Variants in OTUD7A observed in about 807,000 individuals in gnomAD.
OTUD7A encodes OTU deubiquitinase 7A.
OTUD7A carries 12 observed loss-of-function variants against 65.7 expected under a neutral mutation model. That is an observed-to-expected ratio of 0.18 (90% CI 0.12 to 0.30). The LOEUF (loss-of-function observed/expected upper bound fraction) is 0.30, where lower values mean the gene tolerates loss of function less well. Among genes scored for constraint, OTUD7A ranks in the 10% least tolerant of loss-of-function variants. OTUD7A has a pLI of 1.00. For missense variants in OTUD7A, 1,148 were observed against 1,304.8 expected, an observed-to-expected ratio of 0.88 and a Z score of 1.85; for synonymous variants, 641 against 586.3, an observed-to-expected ratio of 1.09 and a Z score of -1.35.
At chr15:31,614,009 A>AT (rs1462362607) in intron 3 of OTUD7A, among the ~76,000 whole-genome samples, 2 of 152,196 alleles carry the variant, frequency 1.3e-5, no homozygotes, top group Non-Finnish European at 2.9e-5. Context: ...AGCAACCTGG[A>AT]TAAGATTGGA....
intron 1 of OTUD7A, among the ~76,000 whole-genome samples, chr15:31,833,482 G>A (rs1263158099): frequency 2.6e-5 from 4 of 152,186 alleles, no homozygotes; most frequent in African/African-American, 4.8e-5. Flanking sequence ...CAGGCTTGAG[G>A]GCTGCAGAAA....
chr15:31,831,352 G>C (rs1375203497), intron 1 of OTUD7A, among the ~76,000 whole-genome samples: 1 of 152,132 alleles, frequency 6.6e-6, no homozygotes, highest in Non-Finnish European at 1.5e-5. Flanking sequence ...AAGTCAACAA[G>C]TACAACAAAC....
chr15:31,615,454 G>T (rs778523195), intron 3 of OTUD7A, among the ~76,000 whole-genome samples: 8 of 152,170 alleles, frequency 5.3e-5, no homozygotes, highest in Non-Finnish European at 1.0e-4. Flanking sequence ...ATTATATAAA[G>T]GAAAAATCGA....
intron 3 of OTUD7A, among the ~76,000 whole-genome samples, chr15:31,572,636 T>C (rs556440755): frequency 5.9e-5 from 9 of 152,176 alleles, no homozygotes; most frequent in Non-Finnish European, 1.2e-4. Flanking sequence ...TTTAATTTAG[T>C]ACAAAAGTAT....
chr15:31,548,869 C>G (rs1411006191), intron 5 of OTUD7A, among the ~76,000 whole-genome samples: 1 of 152,128 alleles, frequency 6.6e-6, no homozygotes, highest in Admixed American at 6.5e-5. Flanking sequence ...GACACAGTGG[C>G]TCATGCCTAT....
At chr15:31,545,064 G>A (rs1189298628) in intron 5 of OTUD7A, among the ~76,000 whole-genome samples, 1 of 151,838 alleles carries the variant, frequency 6.6e-6, no homozygotes, top group Non-Finnish European at 1.5e-5. Context: ...ATTATAATAA[G>A]TATTTAAAAT....
intron 1 of OTUD7A, among the ~76,000 whole-genome samples, chr15:31,841,456 G>A (rs1567050125): frequency 6.6e-6 from 1 of 152,176 alleles, no homozygotes; most frequent in Non-Finnish European, 1.5e-5. Context: ...CAGTGACAAT[G>A]TGGTGGCTCT....
At chr15:31,854,176 A>T (rs1426241182) in intron 1 of OTUD7A, among the ~76,000 whole-genome samples, 1 of 152,062 alleles carries the variant, frequency 6.6e-6, no homozygotes, top group African/African-American at 2.4e-5. Flanking sequence ...CTTGTCTTTT[A>T]TGCTTTTTAG....
chr15:31,691,570 T>C (rs1187054964), intron 1 of OTUD7A, among the ~76,000 whole-genome samples: 1 of 151,482 alleles, frequency 6.6e-6, no homozygotes, highest in Non-Finnish European at 1.5e-5. Context: ...CATCTCATCA[T>C]ATACAGAAAT....
At chr15:31,600,025 C>T (rs1033535552) in intron 3 of OTUD7A, among the ~76,000 whole-genome samples, 1 of 152,074 alleles carries the variant, frequency 6.6e-6, no homozygotes, top group African/African-American at 2.4e-5. Flanking sequence ...ACTGATATAC[C>T]TGAAAGTGAT....
intron 8 of OTUD7A, among the ~76,000 whole-genome samples, chr15:31,521,595 G>A (rs1167559352): frequency 6.6e-6 from 1 of 152,104 alleles, no homozygotes; most frequent in Non-Finnish European, 1.5e-5. Flanking sequence ...CATCTCCCAG[G>A]AATAAAATGC....
At chr15:31,680,377 T>TA (rs1054503673) in intron 1 of OTUD7A, among the ~76,000 whole-genome samples, 6 of 152,202 alleles carry the variant, frequency 3.9e-5, no homozygotes, top group East Asian at 1.9e-4. Context: ...GCTGGAAATG[T>TA]AAAAAAAGTT....
chr15:31,852,478 T>G (rs1450539906), intron 1 of OTUD7A, among the ~76,000 whole-genome samples: 1 of 152,266 alleles, frequency 6.6e-6, no homozygotes, highest in Non-Finnish European at 1.5e-5. Flanking sequence ...TCTCAAATTA[T>G]TGCAATAAAC....
chr15:31,680,779 T>C (rs975394140), intron 1 of OTUD7A, among the ~76,000 whole-genome samples: 2 of 152,132 alleles, frequency 1.3e-5, no homozygotes, highest in African/African-American at 2.4e-5. Context: ...AAGGTGCACT[T>C]TGTTTAGCAG....
intron 5 of OTUD7A, among the ~76,000 whole-genome samples, chr15:31,553,487 T>G (rs939684139): frequency 2.0e-5 from 3 of 152,078 alleles, no homozygotes; most frequent in Non-Finnish European, 4.4e-5. Context: ...CAGGGCTCTC[T>G]CTGACTCCAG....
chr15:31,832,770 T>A lies in OTUD7A; in HGVS notation c.-100+37737A>T, dbSNP rs374997287. On this transcript the variant is annotated intron_variant, in intron 1 of 12. Coordinates refer to ENST00000307050, the MANE Select transcript of OTUD7A (RefSeq NM_001382637.1). Reference sequence around the variant, plus strand: ...AGGTTCATGCATGTTGTAGCATATGTCAGAATTTGCTTTCTTACAAAGGCT... The same window carrying A: ...AGGTTCATGCATGTTGTAGCATATGACAGAATTTGCTTTCTTACAAAGGCT... Among the ~76,000 whole-genome samples the A allele has an allele frequency of 2.6e-4, 40 of 152,352 alleles. No homozygotes were observed. The South Asian group carries it at 7.5e-3, about 28-fold the overall frequency.
intron 3 of OTUD7A, among the ~76,000 whole-genome samples, chr15:31,626,750 A>G (rs1326946406): frequency 6.6e-6 from 1 of 151,864 alleles, no homozygotes; most frequent in East Asian, 1.9e-4. Flanking sequence ...TAATTTTTGT[A>G]TTTTTAGTAA....
At chr15:31,610,907 G>A (rs937062366) in intron 3 of OTUD7A, among the ~76,000 whole-genome samples, 18 of 151,758 alleles carry the variant, frequency 1.2e-4, no homozygotes, top group African/African-American at 4.4e-4. Flanking sequence ...GGGATTACAG[G>A]CGTGAGCCAC....
At chr15:31,756,762 G>A (rs1487883512) in intron 1 of OTUD7A, among the ~76,000 whole-genome samples, 1 of 151,846 alleles carries the variant, frequency 6.6e-6, no homozygotes, top group African/African-American at 2.4e-5. Flanking sequence ...TAAATTAGAT[G>A]AAATCAGCTT....
Sources: allele counts gnomAD v4.1 joint callset (sites outside exome capture counted in the v4.1 genomes callset), GRCh38; gene constraint gnomAD v4.1.1; transcripts MANE v1.5; gene names NCBI Gene and HGNC (gene_info 2026-07-23, HGNC 2026-07-21).